Variants in ERCC5 observed in about 807,000 individuals in gnomAD.
ERCC5 encodes the protein DNA excision repair protein ERCC-5.
In ERCC5, 68 loss-of-function variants were observed where a neutral mutation model predicts 105.6. The ratio of observed to expected loss-of-function variants is 0.64; its 90% CI spans 0.53 to 0.79. The LOEUF (loss-of-function observed/expected upper bound fraction) is 0.79. Ranked by LOEUF, ERCC5 falls within the 30% of genes least tolerant of loss-of-function variation. The pLI is 0.00. For missense variants in ERCC5, 1,373 were observed against 1,426.7 expected, an observed-to-expected ratio of 0.96 and a Z score of 0.61; for synonymous variants, 546 against 526.2, an observed-to-expected ratio of 1.04 and a Z score of -0.51.
At position 102,872,354 on chromosome 13, in the gene ERCC5, G is replaced by A. The variant is rs781162171; in HGVS notation, c.2835G>A (p.Lys945=). The A allele has an allele frequency of 6.8e-6, 11 of 1,614,140 alleles. No individual in the cohort carries two copies. Among genetic ancestry groups the A allele is most frequent in the Non-Finnish European group, 8.5e-6 (10 of 1,180,020 alleles). The change falls in exon 13 of 15, where the codon AAG becomes AAA. Residue 945 remains lysine, a synonymous_variant. Coordinates refer to ENST00000652225, the MANE Select transcript of ERCC5 (RefSeq NM_000123.4). Reference sequence around the variant, plus strand: ...TCAAACCCGTGGTGGATGACTCGAAGGGATCCTTTCTGTGGGGGAAACCTG... The same window carrying A: ...TCAAACCCGTGGTGGATGACTCGAAAGGATCCTTTCTGTGGGGGAAACCTG... ...AYLKPVVDDS[K]GSFLWGKPDL... is the part of the protein sequence containing the mutation.
In ERCC5 at chr13:102,866,287, A is replaced by G; in HGVS notation, c.2225A>G (p.Asn742Ser). 6.2e-7 allele frequency: 1 copy of G among 1,614,244 alleles called. No individual in the cohort carries two copies. The highest frequency in any genetic ancestry group is 8.5e-7 in the Non-Finnish European group (1 of 1,180,046). The change falls in exon 10 of 15, where the codon AAC (asparagine) becomes AGC (serine). Residue 742 changes from asparagine to serine, a missense_variant. Asn to Ser is a conservative substitution (Grantham distance 46, BLOSUM62 1). Coordinates refer to ENST00000652225, the MANE Select transcript of ERCC5 (RefSeq NM_000123.4). ...GAGGAGTTGGAAACTCTGGAGAGCA[A>G]CCTCTTAGCACAGCAGAATTCACTG... ...NLEELETLES[N>S]LLAQQNSLKA...
intron 6 of ERCC5, among the ~76,000 whole-genome samples, chr13:102,860,027 CA>C (rs1882564104): frequency 1.3e-5 from 2 of 152,220 alleles, no homozygotes; most frequent in African/African-American, 4.8e-5. Flanking sequence ...CTTTGTCTAG[CA>C]TCTCCGTGCT....
Position 102,875,337 on chromosome 13 carries a change from T to G in ERCC5, c.2995T>G (p.Leu999Val), listed in dbSNP as rs368550097. The stretch of plus-strand genomic sequence containing the variant: ...GCTCCGAATTGATTCCTTCTTTAGA[T>G]TAGCACAACAGGAGAAAGAAGATGC... ...TQLRIDSFFR[L>V]AQQEKEDAKR... is the part of the protein sequence containing the mutation. Residue 999 changes from leucine (L) to valine (V), a missense_variant, in exon 15 of 15, where the codon TTA becomes GTA. Leu to Val is a conservative substitution (Grantham distance 32). Coordinates refer to ENST00000652225, the MANE Select transcript of ERCC5 (RefSeq NM_000123.4). 76 of 1,614,048 alleles carry G rather than the reference T, an allele frequency of 4.7e-5. No homozygotes were observed. The East Asian group carries it at 1.5e-3, about 33-fold the overall frequency.
intron 1 of ERCC5, among the ~76,000 whole-genome samples, chr13:102,848,525 T>C (rs1324945747): frequency 3.3e-5 from 5 of 152,216 alleles, no homozygotes; most frequent in African/African-American, 1.2e-4. Flanking sequence ...GATATTACCA[T>C]CTCTTTAGGC....
intron 11 of ERCC5, among the ~76,000 whole-genome samples, chr13:102,867,648 A>T (rs1008536596): frequency 1.3e-5 from 2 of 152,182 alleles, no homozygotes; most frequent in African/African-American, 4.8e-5. Context: ...ATGCAGGCAG[A>T]TTGAATGTGG....
Position 102,865,512 on chromosome 13 carries a change from A to T in ERCC5, c.1955-155A>T. ...CAGGCATTTGTGATTACATTTATTT[A>T]TTAATAACGCTACTATTACATGTAT... On this transcript the variant is annotated intron_variant, in intron 8 of 14. Coordinates refer to ENST00000652225, the MANE Select transcript of ERCC5 (RefSeq NM_000123.4). The surrounding 1 kb of genome is among the most constrained non-coding windows in gnomAD (Gnocchi z 4.0). 9.5e-7 allele frequency: 1 copy of T among 1,048,538 alleles called. No homozygotes were observed. The highest frequency in any genetic ancestry group is 1.4e-6 in the Non-Finnish European group (1 of 729,848). The allele number at this position is 1,048,538 out of a possible 1,614,324, so 65.0% of individuals were successfully genotyped here. A position where few individuals can be genotyped will look rare whatever the true frequency, so the allele number is the denominator to read the frequency against.
intron 5 of ERCC5, 71 bp downstream of exon 5, chr13:102,856,183 A>G: frequency 5.4e-6 from 8 of 1,488,034 alleles, no homozygotes; most frequent in Non-Finnish European, 7.5e-6. Flanking sequence ...ATGAATATTA[A>G]TGAGGTATAT....
rs761269524 is a variant in ERCC5, at chr13:102,865,944, C to G, written c.2199+33C>G. The G allele has an allele frequency of 6.2e-7, 1 of 1,613,798 alleles. No individual in the cohort carries two copies. Among genetic ancestry groups the G allele is most frequent in the South Asian group, 1.1e-5 (1 of 90,766 alleles). On this transcript the variant is annotated intron_variant, in intron 9 of 14. Coordinates refer to ENST00000652225, the MANE Select transcript of ERCC5 (RefSeq NM_000123.4). The surrounding 1 kb of genome is among the most constrained non-coding windows in gnomAD (Gnocchi z 4.0). ...CGTAACATTGTGTTTCGACTTCTTG[C>G]TGAGGAAGCCAGGTTAAGTAGGTTT...
At position 102,865,631 on chromosome 13, in the gene ERCC5, G is replaced by C. The variant is rs1244173443; in HGVS notation, c.1955-36G>C. The C allele has an allele frequency of 6.2e-7, 1 of 1,609,904 alleles. No homozygotes were observed. Among genetic ancestry groups the C allele is most frequent in the Admixed American group, 1.7e-5 (1 of 59,818 alleles). On this transcript the variant is annotated intron_variant, in intron 8 of 14. Coordinates refer to ENST00000652225, the MANE Select transcript of ERCC5 (RefSeq NM_000123.4). The surrounding 1 kb of genome is among the most constrained non-coding windows in gnomAD (Gnocchi z 4.0). ...GATTGCAGGATCATTTTAATGTTTT[G>C]ATTGTAGATGAAGTGACCTTTTAAT... is the stretch of plus-strand genomic sequence containing the variant.
chr13:102,874,440 A>G (rs1219038648), intron 14 of ERCC5, among the ~76,000 whole-genome samples: 1 of 152,186 alleles, frequency 6.6e-6, no homozygotes, highest in Non-Finnish European at 1.5e-5. Context: ...TATTTAAATA[A>G]TTAGTTCAGT....
chr13:102,856,745 C>T (rs749433514), intron 5 of ERCC5, among the ~76,000 whole-genome samples: 11 of 152,188 alleles, frequency 7.2e-5, no homozygotes, highest in Non-Finnish European at 1.5e-4. Flanking sequence ...CTGCCATGGG[C>T]GGTGGTTGAT....
rs1364742152 is a variant in ERCC5, at chr13:102,846,211, CGTA to C, written c.-54_-52del. 2.0e-6 allele frequency: 3 copies of C among 1,470,644 alleles called. No homozygotes were observed. The African/African-American group carries it at 4.2e-5, about 20-fold the overall frequency. The allele number at this position is 1,470,644 out of a possible 1,614,324, so 91.1% of individuals were successfully genotyped here. On this transcript the variant is annotated 5_prime_UTR_variant, in exon 1 of 15. Coordinates refer to ENST00000652225, the MANE Select transcript of ERCC5 (RefSeq NM_000123.4). ...GGTCCTAGGCGGCGGTGCAGTCCGT[CGTA>C]GAAGAATTAGAGTAGAAGTTGTCGG...
chr13:102,846,343 T>A lies in ERCC5; in HGVS notation c.77T>A (p.Ile26Asn). The A allele has an allele frequency of 6.2e-7, 1 of 1,614,018 alleles. No individual in the cohort carries two copies. Among genetic ancestry groups the A allele is most frequent in the Non-Finnish European group, 8.5e-7 (1 of 1,179,928 alleles). Residue 26 changes from isoleucine to asparagine, a missense_variant, in exon 1 of 15, where the codon ATC becomes AAC. Ile to Asn is a moderately radical substitution (Grantham distance 149). Coordinates refer to ENST00000652225, the MANE Select transcript of ERCC5 (RefSeq NM_000123.4). ...AGCCCCGAAGCGCTGGAAGGGAAGATCCTGGCTGTTGGTATCCTTAACGCC... is the reference window on the plus strand; with the variant it reads ...AGCCCCGAAGCGCTGGAAGGGAAGAACCTGGCTGTTGGTATCCTTAACGCC... ...QVSPEALEGK[I>N]LAVDISIWLN...
intron 14 of ERCC5, among the ~76,000 whole-genome samples, chr13:102,873,852 TGTGA>T (rs1283771546): frequency 2.0e-5 from 3 of 152,242 alleles, no homozygotes; most frequent in Admixed American, 2.0e-4. Flanking sequence ...TTGCTTTATC[TGTGA>T]GTATGTTCTG....
At position 102,852,252 on chromosome 13, in the gene ERCC5, G is replaced by A. The variant is rs751369562; in HGVS notation, c.223G>A (p.Val75Met). 9 of 1,613,896 alleles carry A rather than the reference G, an allele frequency of 5.6e-6. No homozygotes were observed. Among genetic ancestry groups the A allele is most frequent in the Admixed American group, 3.3e-5 (2 of 59,992 alleles). Residue 75 changes from valine to methionine, a missense_variant, in exon 2 of 15, where the codon GTG becomes ATG. This residue lies in a region of ERCC5 where 1,004 missense variants were observed against 1,059.7 expected (regional missense o/e 0.95). Coordinates refer to ENST00000652225, the MANE Select transcript of ERCC5 (RefSeq NM_000123.4). ...ATTTTTTCGAATTCGTCCTATTTTT[G>A]TGTTTGATGGGGATGCTCCACTATT... ...LLFFRIRPIF[V>M]FDGDAPLLKK...
rs376907700 is a variant in ERCC5 at position 102,854,299 on chromosome 13, T to C, written c.392T>C (p.Leu131Pro). The change falls in exon 4 of 15, where the codon CTA becomes CCA. Residue 131 changes from leucine (L) to proline (P), a missense_variant. Coordinates refer to ENST00000652225, the MANE Select transcript of ERCC5 (RefSeq NM_000123.4). ...TAFRSKRDEALPSLTQVRREN... is the reference protein window; with the variant it reads ...TAFRSKRDEAPPSLTQVRREN... ...TGTGTACTTTCCAGAGATGAAGCAC[T>C]ACCCAGTCTTACCCAAGTTCGAAGA... 6.2e-7 allele frequency: 1 copy of C among 1,614,104 alleles called. No homozygotes were observed. The highest frequency in any genetic ancestry group is 1.3e-5 in the African/African-American group (1 of 74,932).
chr13:102,851,279 G>C (rs1477996699), intron 1 of ERCC5, among the ~76,000 whole-genome samples: 3 of 152,070 alleles, frequency 2.0e-5, no homozygotes, highest in Non-Finnish European at 4.4e-5. Flanking sequence ...TGGTATTCCA[G>C]CAAATAGGTC....
At chr13:102,871,619 TTA>T (rs67810479) in intron 12 of ERCC5, among the ~76,000 whole-genome samples, 151,465 of 151,772 alleles carry the variant, frequency 1, 75,581 homozygotes, top group Middle Eastern at 1. Context: ...ACATATGTAT[TTA>T]TATATATATA....
Position 102,852,162 on chromosome 13 carries a change from C to A in ERCC5, c.133C>A (p.Arg45Ser). Residue 45 changes from arginine (R) to serine (S), a missense_variant, in exon 2 of 15, where the codon CGC becomes AGC. This residue lies in a region of ERCC5 where 1,004 missense variants were observed against 1,059.7 expected (regional missense o/e 0.95). Coordinates refer to ENST00000652225, the MANE Select transcript of ERCC5 (RefSeq NM_000123.4). ...LNQALKGVRDRHGNSIENPHL... is the reference protein window; with the variant it reads ...LNQALKGVRDSHGNSIENPHL... ...CCAAGCACTTAAAGGAGTCCGGGATCGCCATGGGAACTCAATAGAAAATCC... is the reference window on the plus strand; with the variant it reads ...CCAAGCACTTAAAGGAGTCCGGGATAGCCATGGGAACTCAATAGAAAATCC... The A allele has an allele frequency of 6.2e-7, 1 of 1,614,064 alleles. No individual in the cohort carries two copies. The highest frequency in any genetic ancestry group is 8.5e-7 in the Non-Finnish European group (1 of 1,180,004).
Sources: allele counts gnomAD v4.1 joint callset (sites outside exome capture counted in the v4.1 genomes callset), GRCh38; gene constraint gnomAD v4.1.1; regional missense constraint gnomAD v4.1.1; non-coding constraint Gnocchi (gnomAD v3.1); transcripts MANE v1.5; gene names NCBI Gene and HGNC (gene_info 2026-07-23, HGNC 2026-07-21).